Variants in NLRP4 observed in about 807,000 individuals in gnomAD.
NLRP4 encodes the protein NACHT, LRR and PYD domains-containing protein 4.
NLRP4 carries 44 observed loss-of-function variants against 84.7 expected under a neutral mutation model. The ratio of observed to expected loss-of-function variants is 0.52; its 90% CI spans 0.41 to 0.67. The LOEUF (loss-of-function observed/expected upper bound fraction) is 0.67, where lower values mean the gene tolerates loss of function less well. Among genes scored for constraint, NLRP4 ranks in the 30% least tolerant of loss-of-function variants. The pLI, the probability that NLRP4 is intolerant of heterozygous loss-of-function variation, is 0.00. For synonymous variants in NLRP4, 544 were observed against 476.4 expected, an observed-to-expected ratio of 1.14 and a Z score of -1.85; for missense variants, 1,260 against 1,219.4, an observed-to-expected ratio of 1.03 and a Z score of -0.50.
chr19:55,859,277 C>G, intron 3 of NLRP4, 28 bp downstream of exon 3: 1 of 1,549,626 alleles, frequency 6.5e-7, no homozygotes. Context: ...CTTTTTCTCT[C>G]TTCTCAGAAT....
Position 55,859,260 on chromosome 19 carries a change from C to A in NLRP4, c.1856+11C>A. 6.4e-7 allele frequency: 1 copy of A among 1,572,142 alleles called. No individual in the cohort carries two copies. Reference sequence around the variant, plus strand: ...TGAACACAGCTCTACGTGAGTCCATCCTATGACTTTTTCTCTCTTCTCAGA... The same window carrying A: ...TGAACACAGCTCTACGTGAGTCCATACTATGACTTTTTCTCTCTTCTCAGA... On this transcript the variant is annotated intron_variant, in intron 3 of 9. Transcript: ENST00000301295.
intron 1 of NLRP4, among the ~76,000 whole-genome samples, chr19:55,837,405 A>AC (rs1232865114): frequency 1.1e-4 from 17 of 152,176 alleles, no homozygotes; most frequent in African/African-American, 4.1e-4. Flanking sequence ...AGTATATTCA[A>AC]CCTATAGTGC....
At chr19:55,866,268 A>G (rs34307939) in intron 5 of NLRP4, among the ~76,000 whole-genome samples, 31,826 of 152,016 alleles carry the variant, frequency 0.21, 3,561 homozygotes, top group East Asian at 0.39. Flanking sequence ...TCTTGACCTC[A>G]TGTTCCGCCC....
chr19:55,870,986 G>A lies in NLRP4; in HGVS notation c.2514G>A (p.Leu838=). Residue 838 remains leucine (L), a synonymous_variant, in exon 7 of 10, where the codon CTG becomes CTA. Transcript: ENST00000301295. The part of the protein sequence containing the change: ...CEALKHPDCC[L]DSLCLVKCFI... ...CCTTGAAACATCCGGACTGCTGCCT[G>A]GATTCACTGTGGTAGGCTTTTTGCT... 6.2e-7 allele frequency: 1 copy of A among 1,614,042 alleles called. No homozygotes were observed. Among genetic ancestry groups the A allele is most frequent in the Non-Finnish European group, 8.5e-7 (1 of 1,179,910 alleles).
intron 7 of NLRP4, among the ~76,000 whole-genome samples, chr19:55,874,142 G>A (rs1490953049): frequency 1.3e-5 from 2 of 148,502 alleles, no homozygotes; most frequent in East Asian, 2.0e-4. Flanking sequence ...AGCCACACAT[G>A]TAATATTAAA....
intron 4 of NLRP4, 68 bp from the exon 5 acceptor site, chr19:55,861,924 C>CA: frequency 9.6e-7 from 1 of 1,039,058 alleles, no homozygotes; most frequent in Admixed American, 1.8e-5. Flanking sequence ...TGATGAGAGA[C>CA]AAACACAGGT....
intron 2 of NLRP4, among the ~76,000 whole-genome samples, chr19:55,853,887 CTT>C (rs1555808040): frequency 2.6e-5 from 3 of 116,016 alleles, no homozygotes; most frequent in African/African-American, 1.7e-4. Context: ...CTTGCTATCT[CTT>C]TCTCTCTCTC....
At chr19:55,863,674 G>A (rs140184531) in intron 5 of NLRP4, among the ~76,000 whole-genome samples, 96 of 152,166 alleles carry the variant, frequency 6.3e-4, no homozygotes, top group African/African-American at 2.2e-3. Context: ...ATCAGACAGC[G>A]GTTACTTTTG....
chr19:55,878,776 T>C lies in NLRP4; in HGVS notation c.2697-18T>C. 1 of 1,604,376 alleles carries C rather than the reference T, an allele frequency of 6.2e-7. No individual in the cohort carries two copies. Among genetic ancestry groups the C allele is most frequent in the Non-Finnish European group, 8.5e-7 (1 of 1,173,624 alleles). On this transcript the variant is annotated intron_variant, in intron 8 of 9. Coordinates refer to ENST00000301295, the MANE Select transcript of NLRP4 (RefSeq NM_134444.5). ...CTGAGGCTGGGGCCGCATCTTACCA[T>C]GTGTCTTTTTATTGCAGGTTGGAAG... is the stretch of plus-strand genomic sequence containing the variant.
In NLRP4 at chr19:55,857,723, A is replaced by G. The variant is rs769813476; in HGVS notation, c.330A>G (p.Leu110=). 18 of 1,613,804 alleles carry G rather than the reference A, an allele frequency of 1.1e-5. No homozygotes were observed. The highest frequency in any genetic ancestry group is 1.6e-4 in the Middle Eastern group (1 of 6,062). ...ACGCAAAGCAGAAATTCAGCCGCTT[A>G]TGGTCCAGCAAGTCTGTCACTGAGA... ...QAHAKQKFSR[L]WSSKSVTEIH... The change falls in exon 3 of 10, where the codon TTA becomes TTG. Residue 110 remains leucine, a synonymous_variant. Coordinates refer to ENST00000301295, the MANE Select transcript of NLRP4 (RefSeq NM_134444.5).
intron 7 of NLRP4, among the ~76,000 whole-genome samples, chr19:55,872,022 G>A (rs1985204761): frequency 1.3e-5 from 2 of 151,798 alleles, no homozygotes. Context: ...TAATTTTTTT[G>A]TATTTTTAGT....
chr19:55,879,064 T>C (rs1985487115), intron 9 of NLRP4, 100 bp downstream of exon 9: 2 of 894,512 alleles, frequency 2.2e-6, no homozygotes, highest in African/African-American at 1.6e-5. Flanking sequence ...AAAATGCAAA[T>C]GATGTTCCTT....
In NLRP4 at chr19:55,859,124, C is replaced by A; in HGVS notation, c.1731C>A (p.Asn577Lys). ...KQAVNLLQEA[N>K]FHIIDNVDLV... ...CAGTGAACCTCCTCCAAGAAGCTAACTTTCATATTATTGACAACGTGGACT... is the reference window on the plus strand; with the variant it reads ...CAGTGAACCTCCTCCAAGAAGCTAAATTTCATATTATTGACAACGTGGACT... The change falls in exon 3 of 10, where the codon AAC becomes AAA. Residue 577 changes from asparagine (N) to lysine (K), a missense_variant. Asn to Lys is a moderately conservative substitution (Grantham distance 94, BLOSUM62 0). Transcript: ENST00000301295. 1 of 1,614,024 alleles carries A rather than the reference C, an allele frequency of 6.2e-7. No individual in the cohort carries two copies. The highest frequency in any genetic ancestry group is 8.5e-7 in the Non-Finnish European group (1 of 1,179,896).
chr19:55,852,217 A>T lies in NLRP4; in HGVS notation c.137A>T (p.Glu46Val), dbSNP rs200695811. Residue 46 changes from glutamate to valine, a missense_variant, in exon 2 of 10, where the codon GAG becomes GTG. Glu to Val is a moderately radical substitution (Grantham distance 121). Around this residue, in one of 3 missense-constraint regions of NLRP4, gnomAD observed 712 missense variants for 669.2 expected, o/e 1.06. Transcript: ENST00000301295. ...GAACTCAAGCAGATTCCCTGGACTG[A>T]GGTCAAAAAAGCATCCCGGGAAGAA... The part of the protein sequence containing the change: ...QLELKQIPWT[E>V]VKKASREELA... 4.3e-5 allele frequency: 70 copies of T among 1,609,338 alleles called. No homozygotes were observed. Among genetic ancestry groups the T allele is most frequent in the Non-Finnish European group, 5.4e-5 (64 of 1,178,950 alleles).
At chr19:55,880,371 G>T (rs1985542199) in intron 9 of NLRP4, among the ~76,000 whole-genome samples, 1 of 152,222 alleles carries the variant, frequency 6.6e-6, no homozygotes, top group Admixed American at 6.5e-5. Flanking sequence ...AGTCACGGAG[G>T]TCTGTGTTTG....
intron 1 of NLRP4, among the ~76,000 whole-genome samples, chr19:55,842,539 TA>T (rs1983651326): frequency 6.6e-6 from 1 of 150,928 alleles, no homozygotes; most frequent in Admixed American, 6.6e-5. Context: ...CTTTTTTTTT[TA>T]GATTTACGTG....
chr19:55,873,160 A>G (rs1985253503), intron 7 of NLRP4, among the ~76,000 whole-genome samples: 2 of 151,008 alleles, frequency 1.3e-5, no homozygotes, highest in South Asian at 4.2e-4. Flanking sequence ...TGTTCCTTAG[A>G]CAGAAGTAAA....
intron 1 of NLRP4, among the ~76,000 whole-genome samples, chr19:55,849,878 G>A (rs1484621701): frequency 1.0e-5 from 1 of 100,298 alleles, no homozygotes; most frequent in South Asian, 3.7e-4. Context: ...CCGTGGCCGC[G>A]GTGTAATTTC....
At chr19:55,870,741 A>G in intron 6 of NLRP4, 86 bp from the exon 7 acceptor site, 1 of 935,350 alleles carries the variant, frequency 1.1e-6, no homozygotes, top group Non-Finnish European at 1.7e-6. Context: ...GATTATAGAA[A>G]TATTACCCTG....
Sources: gnomAD v4.1 joint callset for allele counts (sites outside exome capture counted in the v4.1 genomes callset) on GRCh38, gnomAD v4.1.1 for gene constraint, gnomAD v4.1.1 regional missense constraint, MANE v1.5 for transcripts, NCBI Gene and HGNC (gene_info 2026-07-23, HGNC 2026-07-21) for gene names.